The following RORA variants were observed in gnomAD, a reference collection of about 807,000 sequenced individuals.
RORA encodes nuclear receptor ROR-alpha.
Under a neutral mutation model 69.5 loss-of-function variants are expected in RORA, and 7 were observed. The ratio of observed to expected loss-of-function variants is 0.10; its 90% CI spans 0.06 to 0.19. The LOEUF (loss-of-function observed/expected upper bound fraction) is 0.19, where lower values mean the gene tolerates loss of function less well. Ranked by LOEUF, RORA falls within the 10% of genes least tolerant of loss-of-function variation. The pLI, the probability that RORA is intolerant of heterozygous loss-of-function variation, is 1.00. For synonymous variants in RORA, 261 were observed against 240.8 expected (o/e 1.08, Z -0.78); for missense variants, 457 against 663.0 (o/e 0.69, Z 3.41).
In RORA at chr15:60,597,609, TATATATATACATACATATATATAC is replaced by T. The variant is rs1567115584; in HGVS notation, c.197-65782_197-65759del. 5.3e-3 allele frequency among the ~76,000 whole-genome samples: 239 copies of T among 45,080 alleles called. 24 individuals are homozygous for T. The highest frequency in any genetic ancestry group is 0.03 in the East Asian group (17 of 562). The allele number at this position is 45,080 out of a possible 152,430, so 29.6% of individuals were successfully genotyped here. ...ATATATATATACACATATATATATATATATATATACATACATATATATACATATATATATATATATGTAAGCAAA... is the reference window on the plus strand; with the variant it reads ...ATATATATATACACATATATATATATATATATATATATATATGTAAGCAAA... On this transcript the variant is annotated intron_variant, in intron 2 of 10. Coordinates refer to ENST00000335670, the MANE Select transcript of RORA (RefSeq NM_134261.3).
chr15:61,194,600 G>A (rs879561986), intron 1 of RORA, among the ~76,000 whole-genome samples: 24 of 151,790 alleles, frequency 1.6e-4, no homozygotes, highest in Non-Finnish European at 2.6e-4. Context: ...GGAGAAGGCA[G>A]TATTCCACAT....
At chr15:61,039,124 G>A (rs2140464304) in intron 1 of RORA, 1 of 152,282 alleles carries the variant, frequency 6.6e-6, no homozygotes, top group East Asian at 1.9e-4. Context: ...ACAACTTCTG[G>A]TTTCTAAGGA....
chr15:60,497,446 T>TGATAA lies in RORA; in HGVS notation c.*4_*8dup. 1 of 1,612,720 alleles carries TGATAA rather than the reference T, an allele frequency of 6.2e-7. No homozygotes were observed. The highest frequency in any genetic ancestry group is 1.1e-5 in the South Asian group (1 of 91,014). The stretch of plus-strand genomic sequence containing the variant: ...TTCAGACATTCTAGAAGTGCTTAGG[T>TGATAA]GATAACATTTACCCATCAATTTGCA... On this transcript the variant is annotated 3_prime_UTR_variant, in exon 11 of 11. Coordinates refer to ENST00000335670, the MANE Select transcript of RORA (RefSeq NM_134261.3).
intron 1 of RORA, among the ~76,000 whole-genome samples, chr15:61,188,541 C>A (rs924930543): frequency 4.6e-5 from 7 of 152,160 alleles, no homozygotes; most frequent in Non-Finnish European, 8.8e-5. Flanking sequence ...ACAGGCTAAC[C>A]CGGATCTCTT....
intron 2 of RORA, among the ~76,000 whole-genome samples, chr15:60,657,288 G>A (rs1046840130): frequency 6.6e-6 from 1 of 151,856 alleles, no homozygotes; most frequent in African/African-American, 2.4e-5. Flanking sequence ...TTTGGATATT[G>A]CATCTTGGTG....
intron 1 of RORA, among the ~76,000 whole-genome samples, chr15:60,884,590 A>T (rs1161166297): frequency 6.6e-6 from 1 of 152,220 alleles, no homozygotes; most frequent in Non-Finnish European, 1.5e-5. Flanking sequence ...GGATACAGGG[A>T]GAGAGACAGG....
intron 1 of RORA, among the ~76,000 whole-genome samples, chr15:60,863,901 G>A (rs898178111): frequency 1.3e-5 from 2 of 151,586 alleles, no homozygotes; most frequent in Non-Finnish European, 2.9e-5. Context: ...CCGCCTCCCA[G>A]GTTCAAGCAA....
intron 1 of RORA, among the ~76,000 whole-genome samples, chr15:61,117,935 C>A (rs1318902144): frequency 6.6e-6 from 1 of 152,206 alleles, no homozygotes; most frequent in Non-Finnish European, 1.5e-5. Context: ...TGCTTGGGCT[C>A]AAGATACCTG....
At chr15:61,225,803 G>GA (rs1459415506) in intron 1 of RORA, among the ~76,000 whole-genome samples, 1 of 152,194 alleles carries the variant, frequency 6.6e-6, no homozygotes, top group African/African-American at 2.4e-5. Flanking sequence ...TGAAGTCCCT[G>GA]AAAGCCTTGT....
chr15:60,780,358 CACTGGGCTGG>C (rs758660972), intron 1 of RORA, among the ~76,000 whole-genome samples: 4 of 152,140 alleles, frequency 2.6e-5, no homozygotes, highest in Non-Finnish European at 4.4e-5. Context: ...GCCTGGGAAC[CACTGGGCTGG>C]TCTAGAGAGC....
intron 1 of RORA, among the ~76,000 whole-genome samples, chr15:60,821,158 A>G (rs1047012891): frequency 6.6e-6 from 1 of 152,164 alleles, no homozygotes; most frequent in Non-Finnish European, 1.5e-5. Context: ...TAGGCTGTAC[A>G]AGGGATCCAT....
intron 1 of RORA, among the ~76,000 whole-genome samples, chr15:60,781,406 T>C (rs2072252223): frequency 6.6e-6 from 1 of 152,206 alleles, no homozygotes; most frequent in African/African-American, 2.4e-5. Flanking sequence ...ATTTGGTACC[T>C]GAGAGTCATT....
intron 1 of RORA, among the ~76,000 whole-genome samples, chr15:61,162,032 C>T (rs927375627): frequency 2.0e-5 from 3 of 152,050 alleles, no homozygotes; most frequent in East Asian, 1.9e-4. Context: ...TATATACACA[C>T]GTTAAAAGTG....
chr15:60,644,977 T>G (rs1166562967), intron 2 of RORA, among the ~76,000 whole-genome samples: 2 of 152,216 alleles, frequency 1.3e-5, no homozygotes, highest in Non-Finnish European at 2.9e-5. Context: ...CAAAGTACTA[T>G]TTCGTTAACT....
intron 1 of RORA, among the ~76,000 whole-genome samples, chr15:61,218,674 TCA>T (rs3054672): frequency 0.042 from 5,946 of 142,904 alleles, 248 homozygotes; most frequent in East Asian, 0.21. Context: ...CTAATATAAC[TCA>T]CACACACACA....
At chr15:60,954,951 T>A (rs953659021) in intron 1 of RORA, among the ~76,000 whole-genome samples, 1 of 152,188 alleles carries the variant, frequency 6.6e-6, no homozygotes, top group African/African-American at 2.4e-5. Context: ...TGGGCATTTT[T>A]CTCCAGTTAT....
intron 3 of RORA, among the ~76,000 whole-genome samples, chr15:60,521,683 A>G (rs959186846): frequency 6.6e-6 from 1 of 152,250 alleles, no homozygotes; most frequent in Admixed American, 6.5e-5. Context: ...GACTTGTCCA[A>G]GGTCCCATGG....
chr15:61,224,568 A>G (rs2080128863), intron 1 of RORA, among the ~76,000 whole-genome samples: 1 of 152,192 alleles, frequency 6.6e-6, no homozygotes, highest in African/African-American at 2.4e-5. Flanking sequence ...TCTCCTGTCA[A>G]CATGGTACCG....
chr15:60,994,250 T>C (rs1014197524), intron 1 of RORA, among the ~76,000 whole-genome samples: 8 of 152,226 alleles, frequency 5.3e-5, no homozygotes, highest in African/African-American at 1.9e-4. Context: ...CTAATCCTGA[T>C]GGGAAAAGCC....
Sources: gnomAD v4.1 joint callset for allele counts (sites outside exome capture counted in the v4.1 genomes callset) on GRCh38, gnomAD v4.1.1 for gene constraint, MANE v1.5 for transcripts, NCBI Gene and HGNC (gene_info 2026-07-23, HGNC 2026-07-21) for gene names.